Variants in KIF16B observed in about 807,000 individuals in gnomAD.
The protein encoded by KIF16B is kinesin family member 16B.
KIF16B carries 98 observed loss-of-function variants against 156.3 expected under a neutral mutation model. The observed-to-expected ratio is 0.63, with a 90% CI of 0.53 to 0.74. KIF16B has a LOEUF of 0.74. Among genes scored for constraint, KIF16B ranks in the 30% least tolerant of loss-of-function variants. The pLI, the probability that KIF16B is intolerant of heterozygous loss-of-function variation, is 0.00. For synonymous variants in KIF16B, 564 were observed against 583.7 expected, an observed-to-expected ratio of 0.97 and a Z score of 0.49; for missense variants, 1,421 against 1,606.5, an observed-to-expected ratio of 0.88 and a Z score of 1.97.
chr20:16,560,853 T>C (rs1198156671), intron 1 of KIF16B, among the ~76,000 whole-genome samples: 1 of 152,192 alleles, frequency 6.6e-6, no homozygotes, highest in Non-Finnish European at 1.5e-5. Flanking sequence ...TCTGACGGCA[T>C]GATGTCTCAG....
chr20:16,371,554 C>T (rs1223268527), intron 21 of KIF16B, 111 bp downstream of exon 21: 1 of 633,002 alleles, frequency 1.6e-6, no homozygotes, highest in African/African-American at 2.0e-5. Context: ...GGTGCCACTG[C>T]ACTCCAGCTT....
At chr20:16,520,996 A>C (rs2069329359) in intron 3 of KIF16B, among the ~76,000 whole-genome samples, 1 of 151,996 alleles carries the variant, frequency 6.6e-6, no homozygotes, top group African/African-American at 2.4e-5. Flanking sequence ...ATCAACAAAA[A>C]CGACATCCAC....
chr20:16,397,345 G>A lies in KIF16B; in HGVS notation c.1784+7468C>T, dbSNP rs184632253. 2.6e-3 allele frequency among the ~76,000 whole-genome samples: 394 copies of A among 152,292 alleles called. 1 individual carries two copies. The highest frequency in any genetic ancestry group is 5.0e-3 in the Admixed American group (77 of 15,308). On this transcript the variant is annotated intron_variant, in intron 17 of 25. Transcript: ENST00000354981. ...GGCACCAAGTATCACGCATGTGTGCGTACAAATCATGGCTTCCAGAGAGTT... is the reference window on the plus strand; with the variant it reads ...GGCACCAAGTATCACGCATGTGTGCATACAAATCATGGCTTCCAGAGAGTT...
At chr20:16,439,423 T>C (rs2066734471) in intron 12 of KIF16B, among the ~76,000 whole-genome samples, 1 of 152,118 alleles carries the variant, frequency 6.6e-6, no homozygotes, top group Admixed American at 6.6e-5. Flanking sequence ...CACTTAATCT[T>C]GCCCCTGCCC....
In KIF16B at chr20:16,526,211, A is replaced by AGATACC; in HGVS notation, c.118-7_118-6insGGTATC. On this transcript the variant is annotated splice_region_variant and splice_polypyrimidine_tract_variant and intron_variant, in intron 2 of 25. Transcript: ENST00000354981. ...CCAGTGCCTCCTTCTGGTATCTAGA[A>AGATACC]AGAAATGATTAGAATAATAATGATA... 6.7e-7 allele frequency: 1 copy of AGATACC among 1,493,632 alleles called. No homozygotes were observed. The highest frequency in any genetic ancestry group is 9.2e-7 in the Non-Finnish European group (1 of 1,084,206). The allele number at this position is 1,493,632 out of a possible 1,614,324, so 92.5% of individuals were successfully genotyped here. A position where few individuals can be genotyped will look rare whatever the true frequency, so the allele number is the denominator to read the frequency against.
chr20:16,294,890 C>A (rs1001404390), intron 25 of KIF16B, among the ~76,000 whole-genome samples: 1 of 152,118 alleles, frequency 6.6e-6, no homozygotes, highest in African/African-American at 2.4e-5. Context: ...TGAGCTAGGA[C>A]AACGCAGGGA....
At chr20:16,274,092 A>C (rs929230890) in intron 25 of KIF16B, among the ~76,000 whole-genome samples, 11 of 152,022 alleles carry the variant, frequency 7.2e-5, no homozygotes, top group Admixed American at 6.6e-4. Context: ...AAAAAACAAA[A>C]AAAAAAGGCC....
rs181896521 is a variant in KIF16B at position 16,323,422 on chromosome 20, C to T, written c.3712-11004G>A. Among the ~76,000 whole-genome samples the T allele has an allele frequency of 1.9e-4, 29 of 152,120 alleles. No homozygotes were observed. In the East Asian group the frequency reaches 5.2e-3, roughly 27 times the overall value. On this transcript the variant is annotated intron_variant, in intron 24 of 25. Coordinates refer to ENST00000354981, the MANE Select transcript of KIF16B (RefSeq NM_024704.5). ...TCATCAAAAGGCTCCATAATTCTCA[C>T]ATCTGACTAGATGGAAGCATTTCTG...
chr20:16,305,236 C>T (rs934981206), intron 25 of KIF16B, among the ~76,000 whole-genome samples: 4 of 151,880 alleles, frequency 2.6e-5, no homozygotes, highest in South Asian at 2.1e-4. Context: ...AGAATATCAA[C>T]GCCAGACAAG....
intron 23 of KIF16B, among the ~76,000 whole-genome samples, chr20:16,354,022 G>A (rs776136169): frequency 1.3e-5 from 2 of 152,144 alleles, no homozygotes; most frequent in Non-Finnish European, 2.9e-5. Context: ...TGTGGATTTG[G>A]ATTTTATGTA....
At chr20:16,274,102 C>T (rs115019338) in intron 25 of KIF16B, among the ~76,000 whole-genome samples, 2,980 of 151,188 alleles carry the variant, frequency 0.02, 95 homozygotes, top group African/African-American at 0.068. Context: ...AAAAAAAGGC[C>T]GGCCATCTGT....
At chr20:16,434,337 C>T (rs2066584801) in intron 12 of KIF16B, among the ~76,000 whole-genome samples, 2 of 152,130 alleles carry the variant, frequency 1.3e-5, no homozygotes, top group South Asian at 2.1e-4. Flanking sequence ...CGGCTCAATG[C>T]GCAAGGCCCG....
chr20:16,428,814 C>T lies in KIF16B; in HGVS notation c.1474+139G>A, dbSNP rs75906685. On this transcript the variant is annotated intron_variant, in intron 14 of 25. Coordinates refer to ENST00000354981, the MANE Select transcript of KIF16B (RefSeq NM_024704.5). ...AAATATATATACACACATATATATA[C>T]GTACATACTGACCAACACTGTACTT... The T allele has an allele frequency of 6.7e-3, 4,534 of 679,350 alleles. 155 individuals are homozygous for T. In the African/African-American group the frequency reaches 0.074, roughly 11 times the overall value. The allele number at this position is 679,350 out of a possible 1,614,324, so 42.1% of individuals were successfully genotyped here. A position where few individuals can be genotyped will look rare whatever the true frequency, so the allele number is the denominator to read the frequency against.
chr20:16,540,380 T>C (rs2070147509), intron 1 of KIF16B, among the ~76,000 whole-genome samples: 1 of 152,208 alleles, frequency 6.6e-6, no homozygotes, highest in African/African-American at 2.4e-5. Context: ...AGATTTGATA[T>C]TCCTTCTACA....
intron 19 of KIF16B, among the ~76,000 whole-genome samples, chr20:16,376,553 C>G (rs751736647): frequency 3.9e-5 from 6 of 152,168 alleles, no homozygotes; most frequent in African/African-American, 1.2e-4. Flanking sequence ...GCGGGGGTAT[C>G]GCAGTCAGAG....
chr20:16,398,580 T>C lies in KIF16B; in HGVS notation c.1784+6233A>G, dbSNP rs533092857. ...GCTCTGCAACATTTGCTGCTCCTCA[T>C]GTACTGACCACATTGTCCATTTAAG... is the stretch of plus-strand genomic sequence containing the variant. On this transcript the variant is annotated intron_variant, in intron 17 of 25. Transcript: ENST00000354981. Among the ~76,000 whole-genome samples the C allele has an allele frequency of 3.3e-5, 5 of 152,316 alleles. No homozygotes were observed. In the East Asian group the frequency reaches 9.7e-4, roughly 29 times the overall value.
In KIF16B at chr20:16,505,688, T is replaced by C. The variant is rs563770975; in HGVS notation, c.1000+34A>G. The C allele has an allele frequency of 1.6e-5, 26 of 1,583,934 alleles. No homozygotes were observed. The African/African-American group carries it at 1.9e-4, about 12-fold the overall frequency. On this transcript the variant is annotated intron_variant, in intron 9 of 25. Transcript: ENST00000354981. ...ATTTACAGTTAATTCACAGAAAATA[T>C]TGTATGCTCAGAAAAGTAACTTAAA...
intron 17 of KIF16B, among the ~76,000 whole-genome samples, chr20:16,382,698 AT>A (rs910010187): frequency 6.6e-6 from 1 of 151,872 alleles, no homozygotes; most frequent in African/African-American, 2.4e-5. Context: ...TTTCTTTTTA[AT>A]TTTTTTTCAG....
chr20:16,569,072 G>C (rs2071366124), intron 1 of KIF16B, among the ~76,000 whole-genome samples: 1 of 152,056 alleles, frequency 6.6e-6, no homozygotes, highest in Non-Finnish European at 1.5e-5. Flanking sequence ...GAGTCTGTTT[G>C]CTCCTGCCAC....
Sources: allele counts gnomAD v4.1 joint callset (sites outside exome capture counted in the v4.1 genomes callset), GRCh38; gene constraint gnomAD v4.1.1; transcripts MANE v1.5; gene names NCBI Gene and HGNC (gene_info 2026-07-23, HGNC 2026-07-21).